GPHN: variants seen among roughly 807,000 people sequenced by gnomAD.
GPHN encodes the protein gephyrin.
Under a neutral mutation model 95.5 loss-of-function variants are expected in GPHN, and 17 were observed. The ratio of observed to expected loss-of-function variants is 0.18; its 90% CI spans 0.12 to 0.27. The LOEUF is 0.27. Ranked by LOEUF, GPHN falls within the 10% of genes least tolerant of loss-of-function variation. The probability of loss-of-function intolerance (pLI) is 1.00; values close to 1 mark genes in which losing one functional copy is unlikely to be tolerated. For missense variants in GPHN, 660 were observed against 978.1 expected, an observed-to-expected ratio of 0.67 and a Z score of 4.34; for synonymous variants, 320 against 322.5, an observed-to-expected ratio of 0.99 and a Z score of 0.08.
intron 10 of GPHN, among the ~76,000 whole-genome samples, chr14:67,044,447 TA>T (rs752455377): frequency 2.0e-5 from 3 of 152,226 alleles, no homozygotes; most frequent in Non-Finnish European, 2.9e-5. Flanking sequence ...TTCTTTTTCT[TA>T]TTTCTTTCCA....
chr14:67,723,733 G>C, the GPHN span, among the ~76,000 whole-genome samples: 1 of 152,326 alleles, frequency 6.6e-6, no homozygotes, highest in East Asian at 1.9e-4. Flanking sequence ...ATTACATATG[G>C]AAAGTGCCTA....
the GPHN span, among the ~76,000 whole-genome samples, chr14:67,437,037 T>C: frequency 4.6e-5 from 7 of 152,184 alleles, no homozygotes; most frequent in Non-Finnish European, 8.8e-5. Flanking sequence ...GCCTAGGTGA[T>C]GCAGCCAGAC....
chr14:67,323,232 C>CGTGTGTGTGTGTGTGTGTGT, the GPHN span, among the ~76,000 whole-genome samples: 12 of 143,590 alleles, frequency 8.4e-5, no homozygotes, highest in African/African-American at 3.1e-4. Flanking sequence ...CATATATACA[C>CGTGTGTGTGTGTGTGTGTGT]GTGTGTGTGT....
At position 66,629,216 on chromosome 14, in the gene GPHN, C is replaced by CGT. The variant is rs1566729622; in HGVS notation, c.65-51891_65-51890insGT. Among the ~76,000 whole-genome samples, 116 of 136,602 alleles carry CGT rather than the reference C, an allele frequency of 8.5e-4. 9 individuals are homozygous for CGT. Among genetic ancestry groups the CGT allele is most frequent in the African/African-American group, 2.9e-3 (104 of 36,390 alleles). The allele number at this position is 136,602 out of a possible 152,430, so 89.6% of individuals were successfully genotyped here. On this transcript the variant is annotated intron_variant, in intron 1 of 22. Coordinates refer to ENST00000478722, the MANE Select transcript of GPHN (RefSeq NM_020806.5). ...ATGTATATAAATATATATTTATATACATATATAAATATGTATATAAATATA... is the reference window on the plus strand; with the variant it reads ...ATGTATATAAATATATATTTATATACGTATATATAAATATGTATATAAATATA...
chr14:67,643,675 A>C, the GPHN span, among the ~76,000 whole-genome samples: 2 of 152,128 alleles, frequency 1.3e-5, no homozygotes, highest in Admixed American at 1.3e-4. Context: ...TAAATAAATA[A>C]GAAAGAAAAT....
intron 2 of GPHN, among the ~76,000 whole-genome samples, chr14:66,685,623 G>T (rs911284709): frequency 2.6e-5 from 4 of 152,040 alleles, no homozygotes; most frequent in Non-Finnish European, 4.4e-5. Flanking sequence ...ATTTGTTTGA[G>T]TGCTTTGTAG....
At chr14:66,800,153 T>C (rs1479641146) in intron 3 of GPHN, among the ~76,000 whole-genome samples, 1 of 152,138 alleles carries the variant, frequency 6.6e-6, no homozygotes. Flanking sequence ...TATATCTTAA[T>C]GTACGGACTA....
the GPHN span, among the ~76,000 whole-genome samples, chr14:67,552,618 T>C: frequency 6.6e-6 from 1 of 151,402 alleles, no homozygotes; most frequent in African/African-American, 2.4e-5. Context: ...ATATAAAAAA[T>C]TAGCTGGGCG....
chr14:67,393,052 G>T, the GPHN span: 2 of 1,011,768 alleles, frequency 2.0e-6, no homozygotes, highest in Non-Finnish European at 3.1e-6. Flanking sequence ...CCAGCAGGCA[G>T]CTCTGACCTC....
At chr14:66,529,271 T>C (rs956887698) in intron 1 of GPHN, among the ~76,000 whole-genome samples, 2 of 152,068 alleles carry the variant, frequency 1.3e-5, no homozygotes, top group African/African-American at 2.4e-5. Flanking sequence ...TTGATACTTG[T>C]GTATGCTTCA....
chr14:67,244,293 TTGA>T, the GPHN span, among the ~76,000 whole-genome samples: 8 of 152,208 alleles, frequency 5.3e-5, no homozygotes, highest in Admixed American at 2.6e-4. Flanking sequence ...TGATAATAGG[TTGA>T]TATGTGTTTT....
intron 9 of GPHN, among the ~76,000 whole-genome samples, chr14:66,972,785 A>G (rs1342748594): frequency 1.3e-5 from 2 of 152,144 alleles, no homozygotes; most frequent in Non-Finnish European, 2.9e-5. Context: ...TAAATTTACT[A>G]TGTCATTGAG....
At position 67,165,155 on chromosome 14, in the gene GPHN, C is replaced by T. The variant is rs201555766; in HGVS notation, c.1911-7C>T. 49 of 1,599,370 alleles carry T rather than the reference C, an allele frequency of 3.1e-5. No homozygotes were observed. In the Admixed American group the frequency reaches 5.5e-4, roughly 18 times the overall value. Reference sequence around the variant, plus strand: ...ATCACTAACAAGTGACTCTTTTTTTCTTCTAGCTTGCCAACAACATTTGCA... The same window carrying T: ...ATCACTAACAAGTGACTCTTTTTTTTTTCTAGCTTGCCAACAACATTTGCA... On this transcript the variant is annotated splice_polypyrimidine_tract_variant and splice_region_variant and intron_variant, in intron 19 of 22. Transcript: ENST00000478722.
chr14:67,223,738 T>C, the GPHN span: 1 of 984,328 alleles, frequency 1.0e-6, no homozygotes, highest in Non-Finnish European at 1.2e-6. Context: ...GTTTTCCCAC[T>C]TTTTTCTTAC....
chr14:66,802,174 C>T (rs1014230351), intron 3 of GPHN, among the ~76,000 whole-genome samples: 10 of 152,142 alleles, frequency 6.6e-5, no homozygotes, highest in Admixed American at 3.9e-4. Context: ...GCCCTCAAAC[C>T]GCATGACATA....
the GPHN span, among the ~76,000 whole-genome samples, chr14:67,310,655 G>A: frequency 6.6e-6 from 1 of 152,120 alleles, no homozygotes; most frequent in Non-Finnish European, 1.5e-5. Flanking sequence ...TTTGCTGGTA[G>A]CTGTTTAACT....
chr14:67,103,511 CTTTT>C lies in GPHN; in HGVS notation c.1293+2623_1293+2626del. Among the ~76,000 whole-genome samples, 16 of 53,400 alleles carry C rather than the reference CTTTT, an allele frequency of 3.0e-4. No homozygotes were observed. In the South Asian group the frequency reaches 3.7e-3, roughly 12 times the overall value. 35.0% of individuals were successfully genotyped at this position (53,400 alleles called of 152,430 possible). A position where few individuals can be genotyped will look rare whatever the true frequency, so the allele number is the denominator to read the frequency against. ...ACGACATGGGATGCTGTTTCTTTCT[CTTTT>C]TTTTTTTTTTTTTTTTTTTTTTGTG... On this transcript the variant is annotated intron_variant, in intron 13 of 22. Coordinates refer to ENST00000478722, the MANE Select transcript of GPHN (RefSeq NM_020806.5).
At chr14:66,972,292 A>G (rs2069855873) in intron 9 of GPHN, among the ~76,000 whole-genome samples, 1 of 130,068 alleles carries the variant, frequency 7.7e-6, no homozygotes, top group South Asian at 2.3e-4. Flanking sequence ...AAAGAAAGAA[A>G]AAAAAGAAAA....
the GPHN span, among the ~76,000 whole-genome samples, chr14:67,414,545 G>A: frequency 6.6e-6 from 1 of 152,208 alleles, no homozygotes. Flanking sequence ...GGCTGATGTG[G>A]AAGGGTCCCT....
Sources: gnomAD v4.1 joint callset for allele counts (sites outside exome capture counted in the v4.1 genomes callset) on GRCh38, gnomAD v4.1.1 for gene constraint, MANE v1.5 for transcripts, NCBI Gene and HGNC (gene_info 2026-07-23, HGNC 2026-07-21) for gene names.